Variants in ARK2N observed in about 807,000 individuals in gnomAD.
ARK2N encodes the protein protein ARK2N.
the ARK2N span, among the ~76,000 whole-genome samples, chr18:46,245,660 T>A: frequency 4.6e-5 from 7 of 150,856 alleles, no homozygotes; most frequent in African/African-American, 1.7e-4. Context: ...TATTTTTTTA[T>A]TTTTTTTATG....
At chr18:46,259,317 C>T in the ARK2N span, among the ~76,000 whole-genome samples, 1 of 149,808 alleles carries the variant, frequency 6.7e-6, no homozygotes, top group Non-Finnish European at 1.5e-5. Flanking sequence ...GATCTCGGCT[C>T]ACTGCAACCT....
chr18:46,228,637 G>T, the ARK2N span: 1 of 393,332 alleles, frequency 2.5e-6, no homozygotes, highest in African/African-American at 2.1e-5. Flanking sequence ...CTACACTGGA[G>T]TGCAGAGGTG....
chr18:46,256,799 C>T, the ARK2N span, among the ~76,000 whole-genome samples: 1 of 152,100 alleles, frequency 6.6e-6, no homozygotes, highest in Non-Finnish European at 1.5e-5. Flanking sequence ...TTATATTGAT[C>T]TTGGGTCTAG....
At chr18:46,174,762 A>G in the ARK2N span, among the ~76,000 whole-genome samples, 1 of 152,162 alleles carries the variant, frequency 6.6e-6, no homozygotes, top group African/African-American at 2.4e-5. Flanking sequence ...TCCGGCTCCT[A>G]GGCCCGCGGG....
the ARK2N span, among the ~76,000 whole-genome samples, chr18:46,227,079 G>T: frequency 1.3e-5 from 2 of 152,138 alleles, no homozygotes; most frequent in Non-Finnish European, 2.9e-5. Context: ...AAAGTGTTGG[G>T]ATTACAGGCA....
At chr18:46,200,373 T>C in the ARK2N span, among the ~76,000 whole-genome samples, 1 of 152,136 alleles carries the variant, frequency 6.6e-6, no homozygotes, top group Non-Finnish European at 1.5e-5. Context: ...AGTGGCGCAA[T>C]CTTGGCTCAC....
At chr18:46,247,457 C>T in the ARK2N span, among the ~76,000 whole-genome samples, 1 of 152,142 alleles carries the variant, frequency 6.6e-6, no homozygotes, top group Non-Finnish European at 1.5e-5. Context: ...CCATCATATT[C>T]TTGTTGTATT....
At chr18:46,178,608 C>T in the ARK2N span, among the ~76,000 whole-genome samples, 3 of 152,224 alleles carry the variant, frequency 2.0e-5, no homozygotes, top group Non-Finnish European at 4.4e-5. Context: ...CCATGCCTGG[C>T]CCTGACATAA....
the ARK2N span, among the ~76,000 whole-genome samples, chr18:46,180,225 T>A: frequency 6.6e-6 from 1 of 152,246 alleles, no homozygotes; most frequent in African/African-American, 2.4e-5. Flanking sequence ...TGTAAATTCC[T>A]AAATTATTAA....
the ARK2N span, among the ~76,000 whole-genome samples, chr18:46,199,084 T>C: frequency 6.6e-6 from 1 of 152,040 alleles, no homozygotes; most frequent in Non-Finnish European, 1.5e-5. Flanking sequence ...CACGCAAAGA[T>C]TATGGATTTT....
the ARK2N span, chr18:46,265,651 A>T: frequency 6.6e-6 from 1 of 152,402 alleles, no homozygotes; most frequent in Admixed American, 6.5e-5. Flanking sequence ...TTCCCCTAAT[A>T]ACTATAGAGA....
At chr18:46,190,592 C>G in the ARK2N span, among the ~76,000 whole-genome samples, 8 of 151,692 alleles carry the variant, frequency 5.3e-5, no homozygotes, top group East Asian at 1.9e-4. Context: ...CTAGAGCATT[C>G]TTTGGATGGA....
the ARK2N span, among the ~76,000 whole-genome samples, chr18:46,181,769 T>TTTGA: frequency 3.3e-4 from 50 of 152,130 alleles, no homozygotes; most frequent in Middle Eastern, 3.4e-3. Flanking sequence ...TTAAGTTTAT[T>TTTGA]TTGATTGATT....
At chr18:46,183,743 G>A in the ARK2N span, among the ~76,000 whole-genome samples, 1 of 151,950 alleles carries the variant, frequency 6.6e-6, no homozygotes, top group African/African-American at 2.4e-5. Flanking sequence ...TGTCTGCATT[G>A]TCTATGCTGC....
At chr18:46,249,029 T>C in the ARK2N span, among the ~76,000 whole-genome samples, 1 of 152,214 alleles carries the variant, frequency 6.6e-6, no homozygotes, top group Non-Finnish European at 1.5e-5. Context: ...ATGTCACTTA[T>C]AGAGTTGACT....
the ARK2N span, among the ~76,000 whole-genome samples, chr18:46,224,553 C>T: frequency 6.6e-6 from 1 of 152,148 alleles, no homozygotes; most frequent in Non-Finnish European, 1.5e-5. Flanking sequence ...ACCTGGGGAG[C>T]TTAAACCGAA....
At chr18:46,258,232 C>T in the ARK2N span, among the ~76,000 whole-genome samples, 3 of 151,992 alleles carry the variant, frequency 2.0e-5, no homozygotes, top group Non-Finnish European at 2.9e-5. Flanking sequence ...AGGCCTGTTG[C>T]TAATATTAAC....
the ARK2N span, among the ~76,000 whole-genome samples, chr18:46,210,463 G>T: frequency 6.6e-6 from 1 of 152,272 alleles, no homozygotes; most frequent in East Asian, 1.9e-4. Flanking sequence ...GAGATGATCT[G>T]GATTTGAATA....
chr18:46,219,063 C>A, the ARK2N span: 1 of 152,154 alleles, frequency 6.6e-6, no homozygotes, highest in Admixed American at 6.5e-5. Flanking sequence ...TATCCTAATA[C>A]CTTAATCCTA....
Sources: allele counts gnomAD v4.1 joint callset (sites outside exome capture counted in the v4.1 genomes callset), GRCh38; gene constraint gnomAD v4.1.1; transcripts MANE v1.5; gene names NCBI Gene and HGNC (gene_info 2026-07-23, HGNC 2026-07-21).